Variants in EBF1 observed in about 807,000 individuals in gnomAD.
EBF1 encodes EBF transcription factor 1.
In EBF1, 10 loss-of-function variants were observed where a neutral mutation model predicts 68.4. The ratio of observed to expected loss-of-function variants is 0.15; its 90% confidence interval spans 0.09 to 0.25. EBF1 has a LOEUF of 0.25. Among genes scored for constraint, EBF1 ranks in the 10% least tolerant of loss-of-function variants. The pLI, the probability that EBF1 is intolerant of heterozygous loss-of-function variation, is 1.00. For missense variants in EBF1, 509 were observed against 794.4 expected, an observed-to-expected ratio of 0.64 and a Z score of 4.32; for synonymous variants, 298 against 299.8, an observed-to-expected ratio of 0.99 and a Z score of 0.06.
intron 6 of EBF1, among the ~76,000 whole-genome samples, chr5:158,960,914 G>A (rs1435741645): frequency 2.6e-5 from 4 of 152,126 alleles, no homozygotes; most frequent in Non-Finnish European, 5.9e-5. Context: ...CCCAGCCCCG[G>A]TCGAGCCTTC....
intron 4 of EBF1, among the ~76,000 whole-genome samples, chr5:159,092,958 G>A (rs1781923164): frequency 6.6e-6 from 1 of 152,134 alleles, no homozygotes; most frequent in Non-Finnish European, 1.5e-5. Flanking sequence ...GATTTAAGGA[G>A]CCACTGTATA....
At chr5:158,940,850 C>T (rs2127470233) in intron 6 of EBF1, among the ~76,000 whole-genome samples, 1 of 145,444 alleles carries the variant, frequency 6.9e-6, no homozygotes, top group Admixed American at 7.3e-5. Context: ...GGTGGACTAT[C>T]TCTGGAATAA....
intron 12 of EBF1, among the ~76,000 whole-genome samples, chr5:158,713,450 T>C (rs2127492516): frequency 6.6e-6 from 1 of 152,310 alleles, no homozygotes; most frequent in East Asian, 1.9e-4. Flanking sequence ...TATACCTTCA[T>C]ACTACCCTAC....
rs139969558 is a variant in EBF1, at chr5:158,998,387, G to A, written c.554+75009C>T. Among the ~76,000 whole-genome samples the A allele has an allele frequency of 1.3e-3, 191 of 152,082 alleles. 2 individuals carry two copies. The highest frequency in any genetic ancestry group is 3.4e-3 in the Middle Eastern group (1 of 294). On this transcript the variant is annotated intron_variant, in intron 6 of 15. Transcript: ENST00000313708. ...CTAACCCTGCCTTATTTTCCTTTAC[G>A]ACACTAACTACCTGAGATTATAGCA...
chr5:159,069,448 G>A (rs1777433620), intron 6 of EBF1, among the ~76,000 whole-genome samples: 1 of 152,028 alleles, frequency 6.6e-6, no homozygotes, highest in Non-Finnish European at 1.5e-5. Flanking sequence ...AGCATACTTT[G>A]GAGAAAGAAA....
At chr5:159,090,188 A>G (rs1051136966) in intron 4 of EBF1, among the ~76,000 whole-genome samples, 3 of 151,858 alleles carry the variant, frequency 2.0e-5, no homozygotes, top group Admixed American at 6.6e-5. Context: ...TACAATATCA[A>G]CACACTATAA....
At chr5:158,858,217 C>T (rs1041036371) in intron 6 of EBF1, among the ~76,000 whole-genome samples, 2 of 152,122 alleles carry the variant, frequency 1.3e-5, no homozygotes, top group African/African-American at 2.4e-5. Context: ...GGCATTTCAC[C>T]GGCTGCATCT....
chr5:158,743,686 G>A (rs1429024978), intron 10 of EBF1, among the ~76,000 whole-genome samples: 1 of 152,198 alleles, frequency 6.6e-6, no homozygotes, highest in Admixed American at 6.5e-5. Context: ...CATGCCAGAT[G>A]TAAGGCAATA....
intron 5 of EBF1, among the ~76,000 whole-genome samples, chr5:159,084,181 C>T (rs1420436130): frequency 1.3e-5 from 2 of 151,822 alleles, no homozygotes; most frequent in Non-Finnish European, 2.9e-5. Context: ...AAAAAAAAAC[C>T]CACATGCAAT....
At chr5:158,947,127 TG>T (rs1561594158) in intron 6 of EBF1, among the ~76,000 whole-genome samples, 1 of 152,026 alleles carries the variant, frequency 6.6e-6, no homozygotes, top group Non-Finnish European at 1.5e-5. Context: ...CTGGGCTCCA[TG>T]GGGGTGGGAT....
At chr5:158,733,831 G>A (rs1297387265) in intron 10 of EBF1, among the ~76,000 whole-genome samples, 1 of 152,116 alleles carries the variant, frequency 6.6e-6, no homozygotes, top group African/African-American at 2.4e-5. Flanking sequence ...GCTAGACAAA[G>A]CTCACTGTCC....
chr5:158,882,314 A>G (rs1403516256), intron 6 of EBF1, among the ~76,000 whole-genome samples: 1 of 152,204 alleles, frequency 6.6e-6, no homozygotes, highest in African/African-American at 2.4e-5. Context: ...TTTGGTATAA[A>G]AGCAGCAAGT....
chr5:158,788,975 T>C (rs2127721178), intron 9 of EBF1, among the ~76,000 whole-genome samples: 1 of 151,772 alleles, frequency 6.6e-6, no homozygotes, highest in Non-Finnish European at 1.5e-5. Flanking sequence ...AAAAAGGCCA[T>C]TAGACCATTT....
chr5:158,724,811 G>A (rs1457638975), intron 11 of EBF1, among the ~76,000 whole-genome samples: 1 of 152,216 alleles, frequency 6.6e-6, no homozygotes, highest in Non-Finnish European at 1.5e-5. Context: ...AGCCCTTGCT[G>A]TTCCAAATGA....
At chr5:159,070,156 A>T (rs893902982) in intron 6 of EBF1, among the ~76,000 whole-genome samples, 3 of 152,170 alleles carry the variant, frequency 2.0e-5, no homozygotes, top group Admixed American at 6.5e-5. Flanking sequence ...TCCCATGTCT[A>T]TGCAGCTCAA....
In EBF1 at chr5:159,004,713, G is replaced by T. The variant is rs373215176; in HGVS notation, c.554+68683C>A. ...AGGGAACTGTGCTCTGGAAGTCTCT[G>T]CATCCACTGAATGTCACATTATCTC... is the stretch of plus-strand genomic sequence containing the variant. On this transcript the variant is annotated intron_variant, in intron 6 of 15. Transcript: ENST00000313708. Among the ~76,000 whole-genome samples the T allele has an allele frequency of 7.9e-5, 12 of 152,226 alleles. No homozygotes were observed. The East Asian group carries it at 1.2e-3, about 15-fold the overall frequency.
intron 11 of EBF1, among the ~76,000 whole-genome samples, chr5:158,715,459 A>G (rs1193451259): frequency 4.6e-5 from 7 of 152,250 alleles, no homozygotes; most frequent in Admixed American, 4.6e-4. Context: ...ATATAAGATA[A>G]AGTAGTTGTC....
intron 11 of EBF1, among the ~76,000 whole-genome samples, chr5:158,714,397 G>A (rs764696993): frequency 2.0e-5 from 3 of 152,118 alleles, no homozygotes; most frequent in Non-Finnish European, 4.4e-5. Flanking sequence ...TTGGTACTGC[G>A]AGATAAAATA....
At position 159,099,681 on chromosome 5, in the gene EBF1, T is replaced by G. The variant is rs1289675640; in HGVS notation, c.-203A>C. On this transcript the variant is annotated 5_prime_UTR_variant, in exon 1 of 16. Transcript: ENST00000313708. ...AAAAATGTAAACCTCTGCTCAAAAC[T>G]GAGCGATAACCCGAAAAAAAGAAGA... 4.1e-6 allele frequency: 2 copies of G among 491,398 alleles called. No homozygotes were observed. The highest frequency in any genetic ancestry group is 6.4e-6 in the Non-Finnish European group (2 of 314,190). 30.4% of individuals were successfully genotyped at this position (491,398 alleles called of 1,614,324 possible).
Sources: allele counts gnomAD v4.1 joint callset (sites outside exome capture counted in the v4.1 genomes callset), GRCh38; gene constraint gnomAD v4.1.1; transcripts MANE v1.5; gene names NCBI Gene and HGNC (gene_info 2026-07-23, HGNC 2026-07-21).